PCBD2: variants seen among roughly 807,000 people sequenced by gnomAD.
PCBD2 encodes pterin-4-alpha-carbinolamine dehydratase 2.
PCBD2 carries 12 observed loss-of-function variants against 16.4 expected under a neutral mutation model. The observed-to-expected ratio is 0.73, with a 90% CI of 0.47 to 1.19. The LOEUF is 1.19. PCBD2 is among the 50% of genes most tolerant of loss of function. PCBD2 has a pLI of 0.00. For synonymous variants in PCBD2, 58 were observed against 61.8 expected, an observed-to-expected ratio of 0.94 and a Z score of 0.29; for missense variants, 138 against 156.8, an observed-to-expected ratio of 0.88 and a Z score of 0.64.
chr5:134,926,743 G>A (rs1480208052), intron 2 of PCBD2: 1 of 397,554 alleles, frequency 2.5e-6, no homozygotes, highest in Non-Finnish European at 4.4e-6. Flanking sequence ...GTGTTTTCTC[G>A]TGTGAATGAG....
In PCBD2 at chr5:134,958,692, G is replaced by A. The variant is rs115262141; in HGVS notation, c.217-348G>A. Among the ~76,000 whole-genome samples the A allele has an allele frequency of 4.7e-3, 716 of 152,312 alleles. 5 individuals carry two copies. Among genetic ancestry groups the A allele is most frequent in the African/African-American group, 0.016 (661 of 41,568 alleles). On this transcript the variant is annotated intron_variant, in intron 2 of 3. Transcript: ENST00000254908. Reference sequence around the variant, plus strand: ...AGAAAAGTGGCTCCTAATATTTGGAGCCAGGTAGTGAGACCCAGAGCACTG... The same window carrying A: ...AGAAAAGTGGCTCCTAATATTTGGAACCAGGTAGTGAGACCCAGAGCACTG...
chr5:134,956,590 C>T (rs977410386), intron 2 of PCBD2, among the ~76,000 whole-genome samples: 2 of 152,172 alleles, frequency 1.3e-5, no homozygotes, highest in African/African-American at 4.8e-5. Flanking sequence ...ACTGTGCACT[C>T]ATAATTTCTT....
chr5:134,935,841 C>T (rs1204242718), intron 2 of PCBD2, among the ~76,000 whole-genome samples: 3 of 152,156 alleles, frequency 2.0e-5, no homozygotes, highest in African/African-American at 4.8e-5. Flanking sequence ...TAAGTGTTGG[C>T]GCCGAGGCTA....
intron 2 of PCBD2, among the ~76,000 whole-genome samples, chr5:134,941,003 T>C (rs572842643): frequency 6.6e-6 from 1 of 151,352 alleles, no homozygotes; most frequent in East Asian, 2.0e-4. Context: ...TAATCCCAGC[T>C]ACTCCGGAGG....
At chr5:134,920,165 G>A (rs1750885792) in intron 2 of PCBD2, among the ~76,000 whole-genome samples, 1 of 152,138 alleles carries the variant, frequency 6.6e-6, no homozygotes, top group Admixed American at 6.6e-5. Flanking sequence ...CCCCTGTGTT[G>A]CAGAGAATTA....
At chr5:134,947,231 T>G (rs1751306097) in intron 2 of PCBD2, among the ~76,000 whole-genome samples, 1 of 151,830 alleles carries the variant, frequency 6.6e-6, no homozygotes. Flanking sequence ...TAGCTGGGAT[T>G]ACAGGCATGT....
intron 2 of PCBD2, among the ~76,000 whole-genome samples, chr5:134,922,499 T>G (rs1750916444): frequency 6.6e-6 from 1 of 152,174 alleles, no homozygotes; most frequent in African/African-American, 2.4e-5. Flanking sequence ...TATCAAACAC[T>G]TACTGTAGGC....
chr5:134,940,839 T>C (rs1751217573), intron 2 of PCBD2, among the ~76,000 whole-genome samples: 1 of 152,018 alleles, frequency 6.6e-6, no homozygotes, highest in African/African-American at 2.4e-5. Context: ...GCATAAGAAC[T>C]TGGTTCCTGG....
intron 2 of PCBD2, among the ~76,000 whole-genome samples, chr5:134,913,640 C>T (rs4958199): frequency 3.3e-5 from 5 of 152,102 alleles, no homozygotes; most frequent in Admixed American, 3.3e-4. Flanking sequence ...TAAAAAATCA[C>T]CCTGGCTGTT....
intron 2 of PCBD2, chr5:134,925,676 G>A (rs1394384284): frequency 1.3e-5 from 5 of 397,062 alleles, no homozygotes; most frequent in Non-Finnish European, 2.2e-5. Context: ...GGGTGGAAGC[G>A]GATGAGTAGG....
At chr5:134,948,695 A>G (rs1336739823) in intron 2 of PCBD2, among the ~76,000 whole-genome samples, 1 of 150,542 alleles carries the variant, frequency 6.6e-6, no homozygotes. Context: ...TATTATGGCA[A>G]TTGCCAAGAA....
intron 2 of PCBD2, among the ~76,000 whole-genome samples, chr5:134,940,323 C>G (rs1257238336): frequency 2.0e-5 from 3 of 152,226 alleles, no homozygotes; most frequent in Non-Finnish European, 4.4e-5. Flanking sequence ...CGGCTCCAAC[C>G]CTGTTGGTCT....
At chr5:134,933,565 T>C (rs1561911580) in intron 2 of PCBD2, among the ~76,000 whole-genome samples, 2 of 152,168 alleles carry the variant, frequency 1.3e-5, no homozygotes. Flanking sequence ...GTGGGAGATA[T>C]ATAAATTATT....
At chr5:134,914,489 G>T (rs1023366275) in intron 2 of PCBD2, among the ~76,000 whole-genome samples, 2 of 152,090 alleles carry the variant, frequency 1.3e-5, no homozygotes, top group Non-Finnish European at 2.9e-5. Context: ...ACAAGCTGGA[G>T]TAGATGCAGA....
At position 134,962,107 on chromosome 5, in the gene PCBD2, T is replaced by TGTGTGTGTGTGTGTGTGTG. The variant is rs1561454491; in HGVS notation, c.*1426_*1427insGTGTGTGTGTGTGTGTGTG. Among the ~76,000 whole-genome samples, 10 of 150,424 alleles carry TGTGTGTGTGTGTGTGTGTG rather than the reference T, an allele frequency of 6.6e-5. No individual in the cohort carries two copies. Among genetic ancestry groups the TGTGTGTGTGTGTGTGTGTG allele is most frequent in the African/African-American group, 2.4e-4 (10 of 41,004 alleles). Reference sequence around the variant, plus strand: ...GTGTGTGTGTGTGTGTGTGTGTGTGTTTGACACGGGGTCTCATTCTGTTGC... The same window carrying TGTGTGTGTGTGTGTGTGTG: ...GTGTGTGTGTGTGTGTGTGTGTGTGTGTGTGTGTGTGTGTGTGTGTTGACACGGGGTCTCATTCTGTTGC... On this transcript the variant is annotated 3_prime_UTR_variant, in exon 4 of 4. Transcript: ENST00000254908.
chr5:134,956,055 A>G (rs1751411423), intron 2 of PCBD2, among the ~76,000 whole-genome samples: 1 of 152,232 alleles, frequency 6.6e-6, no homozygotes, highest in Admixed American at 6.5e-5. Flanking sequence ...ATTTAAAAAT[A>G]CATATTTTGG....
At chr5:134,927,633 C>T (rs995717552) in intron 2 of PCBD2, 39 of 397,884 alleles carry the variant, frequency 9.8e-5, no homozygotes, top group Non-Finnish European at 1.6e-4. Context: ...GTTGCCTCAT[C>T]GGGTGATGAT....
At chr5:134,908,809 T>A (rs1401769522) in intron 1 of PCBD2, 2 of 152,220 alleles carry the variant, frequency 1.3e-5, no homozygotes, top group African/African-American at 4.8e-5. Flanking sequence ...AGGTAAAATC[T>A]TTTTCCTCTC....
intron 2 of PCBD2, among the ~76,000 whole-genome samples, chr5:134,920,187 C>T (rs1441033962): frequency 1.3e-5 from 2 of 152,094 alleles, no homozygotes; most frequent in African/African-American, 4.8e-5. Context: ...TATTATGTTG[C>T]GCTTTTGATC....
Sources: allele counts gnomAD v4.1 joint callset (sites outside exome capture counted in the v4.1 genomes callset), GRCh38; gene constraint gnomAD v4.1.1; transcripts MANE v1.5; gene names NCBI Gene and HGNC (gene_info 2026-07-23, HGNC 2026-07-21).